BAIAP2L1: variants seen among roughly 807,000 people sequenced by gnomAD.
BAIAP2L1 encodes BAR/IMD domain-containing adapter protein 2-like 1.
Under a neutral mutation model 66.3 loss-of-function variants are expected in BAIAP2L1, and 35 were observed. The observed-to-expected ratio is 0.53, with a 90% CI of 0.40 to 0.70. BAIAP2L1 has a LOEUF of 0.70. Ranked by LOEUF, BAIAP2L1 falls within the 30% of genes least tolerant of loss-of-function variation. The pLI, the probability that BAIAP2L1 is intolerant of heterozygous loss-of-function variation, is 0.00. For synonymous variants in BAIAP2L1, 269 were observed against 248.7 expected, an observed-to-expected ratio of 1.08 and a Z score of -0.77; for missense variants, 622 against 656.9, an observed-to-expected ratio of 0.95 and a Z score of 0.58.
Position 98,292,732 on chromosome 7 carries a change from A to G in BAIAP2L1, c.*789T>C, listed in dbSNP as rs549696845. The G allele has an allele frequency of 6.4e-7, 1 of 1,551,540 alleles. No homozygotes were observed. The highest frequency in any genetic ancestry group is 1.2e-5 in the South Asian group (1 of 84,048). ...CCAGGACCCCGAGCAGTTTGAGTGT[A>G]CTGGTAATGGATGCAGCTTTGGCCA... On this transcript the variant is annotated 3_prime_UTR_variant, in exon 14 of 14. Coordinates refer to ENST00000005260, the MANE Select transcript of BAIAP2L1 (RefSeq NM_018842.5).
chr7:98,330,962 C>T (rs1250849738), intron 3 of BAIAP2L1, among the ~76,000 whole-genome samples: 1 of 152,184 alleles, frequency 6.6e-6, no homozygotes, highest in Non-Finnish European at 1.5e-5. Context: ...ACTAGGCCCC[C>T]ACCTCCAATA....
At chr7:98,317,498 C>T (rs751139302) in intron 5 of BAIAP2L1, 142 bp from the exon 6 acceptor site, 3 of 1,000,716 alleles carry the variant, frequency 3.0e-6, no homozygotes, top group Non-Finnish European at 4.5e-6. Context: ...CTGGCTGGGG[C>T]CCCCACACCC....
intron 3 of BAIAP2L1, among the ~76,000 whole-genome samples, chr7:98,345,267 A>G (rs1224485708): frequency 6.6e-6 from 1 of 152,260 alleles, no homozygotes; most frequent in Non-Finnish European, 1.5e-5. Context: ...TACAATAAAA[A>G]CACCTAGCAG....
At chr7:98,353,214 T>C (rs1250843763) in intron 3 of BAIAP2L1, among the ~76,000 whole-genome samples, 1 of 150,904 alleles carries the variant, frequency 6.6e-6, no homozygotes, top group African/African-American at 2.4e-5. Flanking sequence ...ATAGCAGTAC[T>C]GGGCTGGGTG....
chr7:98,323,796 G>A (rs71563560), intron 3 of BAIAP2L1, among the ~76,000 whole-genome samples: 2,768 of 152,350 alleles, frequency 0.018, 27 homozygotes, highest in Middle Eastern at 0.034. Context: ...GGCCGCCGCG[G>A]AGTCAGCGGT....
chr7:98,389,642 T>C (rs1311522941), intron 1 of BAIAP2L1, among the ~76,000 whole-genome samples: 1 of 152,004 alleles, frequency 6.6e-6, no homozygotes, highest in African/African-American at 2.4e-5. Context: ...ATTTCCCCCA[T>C]ACTTTTGACA....
intron 3 of BAIAP2L1, among the ~76,000 whole-genome samples, chr7:98,332,757 C>T (rs1041974905): frequency 6.3e-5 from 9 of 142,064 alleles, no homozygotes; most frequent in East Asian, 6.1e-4. Flanking sequence ...TGCAGTGAGC[C>T]GAGATCACGC....
In BAIAP2L1 at chr7:98,310,741, C is replaced by G. The variant is rs1800840088; in HGVS notation, c.808-149G>C. 6.6e-6 allele frequency: 4 copies of G among 609,894 alleles called. No homozygotes were observed. In the South Asian group the frequency reaches 1.2e-4, roughly 19 times the overall value. 37.8% of individuals were successfully genotyped at this position (609,894 alleles called of 1,614,324 possible). On this transcript the variant is annotated intron_variant, in intron 8 of 13. Coordinates refer to ENST00000005260, the MANE Select transcript of BAIAP2L1 (RefSeq NM_018842.5). The stretch of plus-strand genomic sequence containing the variant: ...TCGCTGTGTTGCCCAGGCTGGAGTA[C>G]AGTGGCACGATCTCAGCTCACTGCA...
At chr7:98,394,897 A>C (rs1305960698) in intron 1 of BAIAP2L1, among the ~76,000 whole-genome samples, 1 of 152,194 alleles carries the variant, frequency 6.6e-6, no homozygotes, top group African/African-American at 2.4e-5. Context: ...GGATCACCTG[A>C]GGTCGGGAGT....
intron 6 of BAIAP2L1, among the ~76,000 whole-genome samples, chr7:98,316,667 T>C (rs1801084477): frequency 1.3e-5 from 2 of 152,224 alleles, no homozygotes; most frequent in Admixed American, 1.3e-4. Context: ...TTTGAAATAA[T>C]GCATCGCTGT....
At chr7:98,372,991 T>A (rs1297367329) in intron 1 of BAIAP2L1, among the ~76,000 whole-genome samples, 1 of 152,162 alleles carries the variant, frequency 6.6e-6, no homozygotes, top group Admixed American at 6.6e-5. Flanking sequence ...CTGGCCGCCT[T>A]GGCCTCCCAA....
At chr7:98,356,665 T>TAAA (rs35660519) in intron 2 of BAIAP2L1, among the ~76,000 whole-genome samples, 3 of 106,776 alleles carry the variant, frequency 2.8e-5, no homozygotes, top group Non-Finnish European at 1.8e-5. Context: ...CCTGGCTAAT[T>TAAA]AAAAAAAAAA....
At chr7:98,351,204 C>A (rs1026686836) in intron 3 of BAIAP2L1, among the ~76,000 whole-genome samples, 2 of 152,184 alleles carry the variant, frequency 1.3e-5, no homozygotes, top group Non-Finnish European at 2.9e-5. Flanking sequence ...TAAAACCACA[C>A]ACCAGCCCAC....
intron 12 of BAIAP2L1, among the ~76,000 whole-genome samples, chr7:98,303,944 C>A (rs1201901004): frequency 6.6e-6 from 1 of 152,212 alleles, no homozygotes; most frequent in Non-Finnish European, 1.5e-5. Context: ...CTAGAGGCGA[C>A]TGTGTGTAAA....
At position 98,400,804 on chromosome 7, in the gene BAIAP2L1, G is replaced by T. The variant is rs1276655310; in HGVS notation, c.49C>A (p.Arg17=). Reference sequence around the variant, plus strand: ...TGAGCCCCGGGCCCTGGGCTTACCCGGTAGGTGCTCTCCGTGAGCCGGTTC... The same window carrying T: ...TGAGCCCCGGGCCCTGGGCTTACCCTGTAGGTGCTCTCCGTGAGCCGGTTC... ...EVNRLTESTY[R]NVMEQFNPGL... is the part of the protein sequence containing the mutation. Residue 17 remains arginine, a splice_region_variant and synonymous_variant, in exon 1 of 14, where the codon CGG becomes AGG. Coordinates refer to ENST00000005260, the MANE Select transcript of BAIAP2L1 (RefSeq NM_018842.5). The T allele has an allele frequency of 3.2e-6, 5 of 1,548,950 alleles. No homozygotes were observed. The highest frequency in any genetic ancestry group is 4.4e-6 in the Non-Finnish European group (5 of 1,146,178).
chr7:98,395,916 C>T (rs1056948992), intron 1 of BAIAP2L1, among the ~76,000 whole-genome samples: 4 of 152,154 alleles, frequency 2.6e-5, no homozygotes, highest in African/African-American at 9.7e-5. Flanking sequence ...GTCCCAGCTA[C>T]ATGCCTGTAG....
At position 98,325,583 on chromosome 7, in the gene BAIAP2L1, TAGG is replaced by T. The variant is rs577195100; in HGVS notation, c.215-5288_215-5286del. 9.9e-5 allele frequency among the ~76,000 whole-genome samples: 15 copies of T among 151,144 alleles called. No homozygotes were observed. The East Asian group carries it at 2.4e-3, about 24-fold the overall frequency. On this transcript the variant is annotated intron_variant, in intron 3 of 13. Coordinates refer to ENST00000005260, the MANE Select transcript of BAIAP2L1 (RefSeq NM_018842.5). ...GTCCTAGCTACTCAGGAGGCTGAGG[TAGG>T]AGAACTGCTTGAACTCAGGAGGCAG...
intron 2 of BAIAP2L1, among the ~76,000 whole-genome samples, chr7:98,359,745 G>GTTTTT (rs780836343): frequency 3.7e-5 from 4 of 109,058 alleles, no homozygotes; most frequent in Non-Finnish European, 5.4e-5. Context: ...GTAGACCTGG[G>GTTTTT]TTTTTTTTTT....
intron 3 of BAIAP2L1, among the ~76,000 whole-genome samples, chr7:98,330,997 A>AT (rs1048199399): frequency 6.6e-4 from 101 of 152,262 alleles, no homozygotes; most frequent in African/African-American, 2.1e-3. Context: ...TCAACATAAA[A>AT]TTGGGAGGGG....
Sources: allele counts gnomAD v4.1 joint callset (sites outside exome capture counted in the v4.1 genomes callset), GRCh38; gene constraint gnomAD v4.1.1; transcripts MANE v1.5; gene names NCBI Gene and HGNC (gene_info 2026-07-23, HGNC 2026-07-21).